Variants in HMCN1 observed in about 807,000 individuals in gnomAD.
The protein encoded by HMCN1 is hemicentin-1.
Under a neutral mutation model 625.9 loss-of-function variants are expected in HMCN1, and 321 were observed. The ratio of observed to expected loss-of-function variants is 0.51; its 90% CI spans 0.47 to 0.56. The LOEUF (loss-of-function observed/expected upper bound fraction) is 0.56. HMCN1 is among the 20% of genes least tolerant of loss of function. HMCN1 has a pLI of 0.00. For synonymous variants in HMCN1, 2,425 were observed against 2,417.6 expected (o/e 1.00, Z -0.09); for missense variants, 6,588 against 6,887.3 (o/e 0.96, Z 1.54).
intron 1 of HMCN1, among the ~76,000 whole-genome samples, chr1:185,803,844 C>A (rs940648924): frequency 1.3e-5 from 2 of 152,086 alleles, no homozygotes; most frequent in Admixed American, 6.6e-5. Context: ...AGATTATATC[C>A]AAGTTGCCTT....
intron 14 of HMCN1, among the ~76,000 whole-genome samples, chr1:185,966,172 G>A (rs1035334394): frequency 6.6e-6 from 1 of 152,082 alleles, no homozygotes; most frequent in African/African-American, 2.4e-5. Flanking sequence ...CTCTTTGTTA[G>A]TTTAGGATTG....
chr1:186,035,854 CA>C (rs1275242297), intron 36 of HMCN1, among the ~76,000 whole-genome samples: 1 of 152,126 alleles, frequency 6.6e-6, no homozygotes, highest in Non-Finnish European at 1.5e-5. Flanking sequence ...CAAACACACA[CA>C]TACACATATG....
At chr1:185,999,682 T>C (rs543151754) in intron 25 of HMCN1, among the ~76,000 whole-genome samples, 56 of 152,266 alleles carry the variant, frequency 3.7e-4, no homozygotes, top group African/African-American at 1.3e-3. Context: ...TTTTGCTCTG[T>C]CTTTATTTCA....
At chr1:185,929,034 A>T (rs1440009823) in intron 10 of HMCN1, among the ~76,000 whole-genome samples, 2 of 149,106 alleles carry the variant, frequency 1.3e-5, no homozygotes, top group Non-Finnish European at 2.9e-5. Context: ...TATTGTTATT[A>T]TCATTATTGT....
intron 41 of HMCN1, 111 bp downstream of exon 41, chr1:186,045,974 A>T: frequency 1.2e-6 from 1 of 801,600 alleles, no homozygotes; most frequent in Non-Finnish European, 2.0e-6. Flanking sequence ...ATTTTCTCTT[A>T]CAAAATTCTA....
intron 6 of HMCN1, among the ~76,000 whole-genome samples, chr1:185,915,795 G>T (rs1434735790): frequency 6.6e-6 from 1 of 152,044 alleles, no homozygotes; most frequent in African/African-American, 2.4e-5. Context: ...AGATTATTAT[G>T]CTGGCCTCCT....
rs1333673122 is a variant in HMCN1, at chr1:186,146,340, AGAG to A, written c.14608+421_14608+423del. Among the ~76,000 whole-genome samples the A allele has an allele frequency of 2.6e-5, 4 of 152,344 alleles. No individual in the cohort carries two copies. In the South Asian group the frequency reaches 6.2e-4, roughly 24 times the overall value. On this transcript the variant is annotated intron_variant, in intron 93 of 106. Coordinates refer to ENST00000271588, the MANE Select transcript of HMCN1 (RefSeq NM_031935.3). ...CAGTTCAGTCTGAGGAGAAAGAATA[AGAG>A]GAGTTCAGTTATCAAGTTCAGCCTG... is the stretch of plus-strand genomic sequence containing the variant.
At chr1:185,832,519 A>G (rs1660928791) in intron 1 of HMCN1, among the ~76,000 whole-genome samples, 1 of 152,186 alleles carries the variant, frequency 6.6e-6, no homozygotes, top group African/African-American at 2.4e-5. Context: ...TGTAATGTCA[A>G]TGGAAAAAAT....
chr1:185,900,293 T>TAAA (rs1665730063), intron 4 of HMCN1, among the ~76,000 whole-genome samples: 1 of 152,026 alleles, frequency 6.6e-6, no homozygotes, highest in Non-Finnish European at 1.5e-5. Flanking sequence ...GTGAGAGCTA[T>TAAA]AAAGTTTTGC....
chr1:186,153,629 T>G (rs1310682218), intron 96 of HMCN1, 121 bp from the exon 97 acceptor site: 1 of 805,932 alleles, frequency 1.2e-6, no homozygotes. Context: ...CCATCATGCA[T>G]GATGTGTGTT....
At chr1:185,870,489 A>C (rs1157400090) in intron 4 of HMCN1, among the ~76,000 whole-genome samples, 1 of 152,126 alleles carries the variant, frequency 6.6e-6, no homozygotes, top group African/African-American at 2.4e-5. Context: ...CTCGAAAAAA[A>C]CTTACCAGCC....
intron 94 of HMCN1, 95 bp downstream of exon 94, chr1:186,151,444 C>T: frequency 3.0e-6 from 4 of 1,331,062 alleles, no homozygotes; most frequent in Non-Finnish European, 4.3e-6. Context: ...ACTACTAACT[C>T]ATAAGTATGG....
intron 11 of HMCN1, among the ~76,000 whole-genome samples, chr1:185,957,960 A>C (rs1429975475): frequency 6.6e-6 from 1 of 152,180 alleles, no homozygotes; most frequent in East Asian, 1.9e-4. Flanking sequence ...CATTAGTAAA[A>C]CAGAGGAAAA....
In HMCN1 at chr1:186,055,438, T is replaced by C. The variant is rs149550536; in HGVS notation, c.6908T>C (p.Ile2303Thr). Reference protein sequence around the residue: ...TNSGSHPTEIIVTRGKSISLE... With the variant: ...TNSGSHPTEITVTRGKSISLE... ...AGTGGCAGCCACCCTACTGAAATTA[T>C]TGTGACCCGAGGGAAGAGTATCTCC... Residue 2303 changes from isoleucine (I) to threonine (T), a missense_variant, in exon 45 of 107, where the codon ATT becomes ACT. By Grantham distance (89) the Ile-to-Thr change is moderately conservative. Around this residue, in one of 3 missense-constraint regions of HMCN1, gnomAD observed 4,628 missense variants for 4,853.1 expected, o/e 0.95. Transcript: ENST00000271588. The C allele has an allele frequency of 1.9e-3, 3,003 of 1,612,674 alleles. 68 individuals are homozygous for C. In the African/African-American group the frequency reaches 0.036, roughly 20 times the overall value.
chr1:185,996,675 G>C (rs573745709), intron 24 of HMCN1, among the ~76,000 whole-genome samples: 2 of 152,096 alleles, frequency 1.3e-5, no homozygotes, highest in South Asian at 4.1e-4. Context: ...GGGAAAAGAA[G>C]GGAATGGGCT....
intron 30 of HMCN1, among the ~76,000 whole-genome samples, chr1:186,014,447 G>T (rs1336724712): frequency 6.6e-6 from 1 of 151,888 alleles, no homozygotes; most frequent in Admixed American, 6.6e-5. Context: ...TCATACACAT[G>T]CCATTTGATT....
At chr1:185,994,768 A>G (rs1652668095) in intron 23 of HMCN1, 47 bp from the exon 24 acceptor site, 1 of 1,576,962 alleles carries the variant, frequency 6.3e-7, no homozygotes, top group East Asian at 2.2e-5. Context: ...GAGTAAAGAA[A>G]GGAATTTGTG....
chr1:185,923,501 A>G lies in HMCN1; in HGVS notation c.1133A>G (p.Lys378Arg), dbSNP rs2102477296. ...AGTTCTCTTAAGACTATTCCTGTTAAATATTACCCACATCGAAAACCTTAT... is the reference window on the plus strand; with the variant it reads ...AGTTCTCTTAAGACTATTCCTGTTAGATATTACCCACATCGAAAACCTTAT... The part of the protein sequence containing the change: ...SGSSLKTIPV[K>R]YYPHRKPYGI... The change falls in exon 8 of 107, where the codon AAA becomes AGA. Residue 378 changes from lysine to arginine, a missense_variant. Coordinates refer to ENST00000271588, the MANE Select transcript of HMCN1 (RefSeq NM_031935.3). The G allele has an allele frequency of 6.2e-7, 1 of 1,612,206 alleles. No individual in the cohort carries two copies. The highest frequency in any genetic ancestry group is 2.2e-5 in the East Asian group (1 of 44,746).
chr1:185,892,439 GT>G (rs1665168374), intron 4 of HMCN1, among the ~76,000 whole-genome samples: 1 of 151,748 alleles, frequency 6.6e-6, no homozygotes, highest in Non-Finnish European at 1.5e-5. Flanking sequence ...CATCTTTGTG[GT>G]TTTATCTACT....
Sources: allele counts gnomAD v4.1 joint callset (sites outside exome capture counted in the v4.1 genomes callset), GRCh38; gene constraint gnomAD v4.1.1; regional missense constraint gnomAD v4.1.1; transcripts MANE v1.5; gene names NCBI Gene and HGNC (gene_info 2026-07-23, HGNC 2026-07-21).